The following TSC2 variants were observed in gnomAD, a reference collection of about 807,000 sequenced individuals.
TSC2 encodes tuberin.
In TSC2, 29 loss-of-function variants were observed where a neutral mutation model predicts 202.2. That is an observed-to-expected ratio of 0.14 (90% CI 0.11 to 0.20). TSC2 has a LOEUF of 0.20. Ranked by LOEUF, TSC2 falls within the 10% of genes least tolerant of loss-of-function variation. The pLI is 1.00. For missense variants in TSC2, 2,429 were observed against 2,420.0 expected (o/e 1.00, Z -0.08); for synonymous variants, 1,349 against 1,044.0 (o/e 1.29, Z -5.63).
intron 16 of TSC2, among the ~76,000 whole-genome samples, chr16:2,070,178 C>T (rs1415039810): frequency 6.6e-6 from 1 of 152,182 alleles, no homozygotes; most frequent in East Asian, 1.9e-4. Context: ...ACTCCCCGCC[C>T]CATTCTGCCC....
chr16:2,070,834 G>A (rs890068350), intron 17 of TSC2, among the ~76,000 whole-genome samples: 1 of 152,212 alleles, frequency 6.6e-6, no homozygotes, highest in South Asian at 2.1e-4. Flanking sequence ...GACGCACGGC[G>A]ACTTCCGGGG....
intron 12 of TSC2, 52 bp downstream of exon 12, chr16:2,062,060 C>T (rs978738478): frequency 6.2e-7 from 1 of 1,611,248 alleles, no homozygotes; most frequent in Non-Finnish European, 8.5e-7. Context: ...TGGGGAGGGG[C>T]CGGGTGCTGG....
intron 38 of TSC2, chr16:2,087,176 C>A (rs2090922444): frequency 2.2e-6 from 1 of 463,622 alleles, no homozygotes; most frequent in Admixed American, 3.4e-5. Flanking sequence ...TGGGCCCCCA[C>A]CATCTCCCCA....
At chr16:2,080,692 GC>G (rs1288140712) in intron 30 of TSC2, 3 of 359,010 alleles carry the variant, frequency 8.4e-6, no homozygotes, top group Non-Finnish European at 1.6e-5. Context: ...CACTGTGTTA[GC>G]CAGGATGGTC....
intron 29 of TSC2, 126 bp from the exon 30 acceptor site, chr16:2,080,039 A>G: frequency 7.5e-7 from 1 of 1,324,866 alleles, no homozygotes; most frequent in South Asian, 1.3e-5. Context: ...CCCCAAGGGC[A>G]GAGCTGCCAC....
At chr16:2,087,381 A>T (rs1450335703) in intron 38 of TSC2, among the ~76,000 whole-genome samples, 1 of 151,190 alleles carries the variant, frequency 6.6e-6, no homozygotes, top group Non-Finnish European at 1.5e-5. Context: ...GGGCCCCAGG[A>T]TGCTGAGGCA....
rs376800100 is a variant in TSC2 at position 2,064,586 on chromosome 16, G to C, written c.1599+159G>C. ...GGGTGGGTGTCCCGAGGCCTGTGCA[G>C]GGCCTGCCACTGCTGGATTTGTGTC... On this transcript the variant is annotated intron_variant, in intron 15 of 41. Transcript: ENST00000219476. The C allele has an allele frequency of 1.5e-4, 165 of 1,075,180 alleles. 3 individuals are homozygous for C. The East Asian group carries it at 4.2e-3, about 27-fold the overall frequency. The allele number at this position is 1,075,180 out of a possible 1,614,324, so 66.6% of individuals were successfully genotyped here. A position where few individuals can be genotyped will look rare whatever the true frequency, so the allele number is the denominator to read the frequency against.
chr16:2,070,404 G>A (rs1393792159), intron 16 of TSC2, 52 bp from the exon 17 acceptor site: 10 of 1,612,924 alleles, frequency 6.2e-6, no homozygotes, highest in Middle Eastern at 1.6e-4. Flanking sequence ...TGCTGTCTTA[G>A]GACTGCGTTT....
At position 2,060,780 on chromosome 16, in the gene TSC2, G is replaced by C. The variant is rs1416323572; in HGVS notation, c.1086G>C (p.Leu362=). ...AGGTGGTGGCGTGGGACATTCTGCT[G>C]AACATCATCGAACGGCTCCTTCAGC... ...ELQVVAWDIL[L]NIIERLLQQL... Residue 362 remains leucine (L), a synonymous_variant, in exon 11 of 42, where the codon CTG becomes CTC. Transcript: ENST00000219476. 2 of 1,613,766 alleles carry C rather than the reference G, an allele frequency of 1.2e-6. No individual in the cohort carries two copies. Among genetic ancestry groups the C allele is most frequent in the Non-Finnish European group, 1.7e-6 (2 of 1,179,938 alleles).
At chr16:2,076,607 C>G (rs778751208) in intron 25 of TSC2, 22 bp downstream of exon 25, 1 of 1,611,986 alleles carries the variant, frequency 6.2e-7, no homozygotes, top group East Asian at 2.2e-5. Context: ...GGGGGTGTGC[C>G]TGGAGTCGGT....
chr16:2,073,030 C>G (rs1000896060), intron 21 of TSC2, 47 bp downstream of exon 21: 1 of 1,612,342 alleles, frequency 6.2e-7, no homozygotes, highest in Non-Finnish European at 8.5e-7. Context: ...GCCTGGGATT[C>G]GAGGGCCTGG....
intron 25 of TSC2, among the ~76,000 whole-genome samples, chr16:2,077,205 C>T (rs969746913): frequency 3.3e-5 from 5 of 152,218 alleles, no homozygotes; most frequent in African/African-American, 1.2e-4. Flanking sequence ...CAGGGCCTGG[C>T]CACTGAGGCC....
Position 2,085,867 on chromosome 16 carries a change from T to C in TSC2, c.4663-326T>C, listed in dbSNP as rs376262735. On this transcript the variant is annotated intron_variant, in intron 36 of 41. Transcript: ENST00000219476. Reference sequence around the variant, plus strand: ...CAGTCTCAGTGAGTCCCTCCTGCTGTGTGGCTCGAGGAGGTGGGTGGTGAT... The same window carrying C: ...CAGTCTCAGTGAGTCCCTCCTGCTGCGTGGCTCGAGGAGGTGGGTGGTGAT... Among the ~76,000 whole-genome samples the C allele has an allele frequency of 1.2e-3, 185 of 152,206 alleles. 6 individuals are homozygous for C. The South Asian group carries it at 0.037, about 31-fold the overall frequency.
Position 2,071,542 on chromosome 16 carries a change from C to T in TSC2, c.1872C>T (p.Asp624=), listed in dbSNP as rs1596342301. Residue 624 remains aspartate (D), a synonymous_variant, in exon 18 of 42, where the codon GAC becomes GAT. Coordinates refer to ENST00000219476, the MANE Select transcript of TSC2 (RefSeq NM_000548.5). ...ACTTCCTGTTGCTGCTGCGGGCCGA[C>T]TCACTGCACCGCCTGGGCCTGCCCA... ...AFDFLLLLRA[D]SLHRLGLPNK... is the part of the protein sequence containing the mutation. 1 of 1,613,576 alleles carries T rather than the reference C, an allele frequency of 6.2e-7. No homozygotes were observed. The highest frequency in any genetic ancestry group is 8.5e-7 in the Non-Finnish European group (1 of 1,180,030).
intron 30 of TSC2, chr16:2,080,705 C>G (rs573682732): frequency 7.3e-5 from 24 of 330,482 alleles, no homozygotes; most frequent in Non-Finnish European, 9.9e-5. Flanking sequence ...AGGATGGTCT[C>G]AATCTCCTGA....
At chr16:2,048,494 A>G in intron 1 of TSC2, 93 bp from the exon 2 acceptor site, 4 of 1,511,284 alleles carry the variant, frequency 2.6e-6, no homozygotes, top group Non-Finnish European at 2.7e-6. Flanking sequence ...TATGCCCACC[A>G]GAGACCCAGG....
chr16:2,048,041 C>G lies in TSC2; in HGVS notation c.-54C>G, dbSNP rs1567378022. ...GCGCCTTTCTCCGCGTCGGGGCGGC[C>G]CGGAGCGCGGTGGCGCGGCGCGGGG... On this transcript the variant is annotated 5_prime_UTR_variant, in exon 1 of 42. Coordinates refer to ENST00000219476, the MANE Select transcript of TSC2 (RefSeq NM_000548.5). 7.0e-7 allele frequency: 1 copy of G among 1,430,100 alleles called. No individual in the cohort carries two copies. Among genetic ancestry groups the G allele is most frequent in the African/African-American group, 1.5e-5 (1 of 67,004 alleles). The allele number at this position is 1,430,100 out of a possible 1,614,324, so 88.6% of individuals were successfully genotyped here. A position where few individuals can be genotyped will look rare whatever the true frequency, so the allele number is the denominator to read the frequency against.
chr16:2,071,446 G>C (rs2088365378), intron 17 of TSC2, 64 bp from the exon 18 acceptor site: 3 of 1,581,972 alleles, frequency 1.9e-6, no homozygotes, highest in Non-Finnish European at 2.6e-6. Flanking sequence ...TGAGCAGGTG[G>C]GACGCCGCCT....
chr16:2,088,734 C>A lies in TSC2; in HGVS notation c.*124C>A. 7.5e-7 allele frequency: 1 copy of A among 1,334,972 alleles called. No individual in the cohort carries two copies. The highest frequency in any genetic ancestry group is 1.4e-5 in the South Asian group (1 of 73,972). The allele number at this position is 1,334,972 out of a possible 1,614,324, so 82.7% of individuals were successfully genotyped here. A position where few individuals can be genotyped will look rare whatever the true frequency, so the allele number is the denominator to read the frequency against. On this transcript the variant is annotated 3_prime_UTR_variant, in exon 42 of 42. Transcript: ENST00000219476. ...TGCAGTCAGACAGCTCTTTTATTGA[C>A]TTTGTCTGCTTGGTGCGGGGGTTGG...
Sources: allele counts gnomAD v4.1 joint callset (sites outside exome capture counted in the v4.1 genomes callset), GRCh38; gene constraint gnomAD v4.1.1; transcripts MANE v1.5; gene names NCBI Gene and HGNC (gene_info 2026-07-23, HGNC 2026-07-21).